Variants in SMIM14 observed in about 807,000 individuals in gnomAD.
SMIM14 encodes chromosome 4 open reading frame 34.
In SMIM14, 5 loss-of-function variants were observed where a neutral mutation model predicts 12.6. The observed-to-expected ratio is 0.40, with a 90% CI of 0.21 to 0.83. The LOEUF is 0.83. Among genes scored for constraint, SMIM14 ranks in the 40% least tolerant of loss-of-function variants. SMIM14 has a pLI of 0.37. For missense variants in SMIM14, 86 were observed against 119.1 expected (o/e 0.72, Z 1.29); for synonymous variants, 30 against 40.1 (o/e 0.75, Z 0.95).
intron 1 of SMIM14, among the ~76,000 whole-genome samples, chr4:39,616,243 C>G (rs925877368): frequency 6.6e-6 from 1 of 152,214 alleles, no homozygotes; most frequent in East Asian, 1.9e-4. Context: ...TCAAGCAATT[C>G]TCCTGCCTCA....
intron 1 of SMIM14, among the ~76,000 whole-genome samples, chr4:39,636,685 TAAAATTAA>T (rs1716102732): frequency 7.3e-6 from 1 of 137,918 alleles, no homozygotes; most frequent in Non-Finnish European, 1.6e-5. Flanking sequence ...TATTAAATTT[TAAAATTAA>T]AAAATTATAA....
chr4:39,582,372 G>A (rs1713553938), intron 2 of SMIM14, among the ~76,000 whole-genome samples: 1 of 152,046 alleles, frequency 6.6e-6, no homozygotes, highest in Non-Finnish European at 1.5e-5. Context: ...TTTTGAATAT[G>A]AAAGGGTCTT....
chr4:39,607,357 A>G (rs10013417), intron 1 of SMIM14, among the ~76,000 whole-genome samples: 21,264 of 152,324 alleles, frequency 0.14, 2,033 homozygotes, highest in South Asian at 0.32. Flanking sequence ...AAGGTGGAAT[A>G]GGCAGATCAA....
chr4:39,631,011 A>G (rs1715876430), intron 1 of SMIM14, among the ~76,000 whole-genome samples: 1 of 152,230 alleles, frequency 6.6e-6, no homozygotes, highest in South Asian at 2.1e-4. Context: ...TCCCAAGAGT[A>G]ACAAAGCAGC....
chr4:39,610,544 A>C (rs2110063801), intron 1 of SMIM14, among the ~76,000 whole-genome samples: 1 of 151,938 alleles, frequency 6.6e-6, no homozygotes, highest in East Asian at 1.9e-4. Context: ...AATTTTTTTT[A>C]ATTAGCTGGG....
chr4:39,554,624 AAAAC>A (rs1338554104), intron 4 of SMIM14, among the ~76,000 whole-genome samples: 1 of 149,472 alleles, frequency 6.7e-6, no homozygotes, highest in Non-Finnish European at 1.5e-5. Flanking sequence ...AAAAACAACA[AAAAC>A]AAGCAAATCT....
intron 1 of SMIM14, among the ~76,000 whole-genome samples, chr4:39,617,068 T>A (rs1715253482): frequency 1.3e-5 from 2 of 152,222 alleles, no homozygotes; most frequent in East Asian, 3.8e-4. Context: ...TCTATACATA[T>A]TACTTTTTGA....
intron 1 of SMIM14, among the ~76,000 whole-genome samples, chr4:39,635,007 T>A (rs937243753): frequency 2.6e-5 from 4 of 152,216 alleles, no homozygotes; most frequent in Admixed American, 6.6e-5. Context: ...AACATTTTTT[T>A]AAAATTCCAT....
intron 3 of SMIM14, among the ~76,000 whole-genome samples, chr4:39,556,941 C>G (rs1712046498): frequency 6.6e-6 from 1 of 152,104 alleles, no homozygotes; most frequent in Non-Finnish European, 1.5e-5. Context: ...GTGTGTGCCA[C>G]CATGCCCCAT....
At chr4:39,632,775 TCACACACACACACACACACACACA>T (rs369057968) in intron 1 of SMIM14, among the ~76,000 whole-genome samples, 9 of 115,016 alleles carry the variant, frequency 7.8e-5, no homozygotes, top group South Asian at 3.4e-4. Flanking sequence ...GAGACTCCCG[TCACACACACACACACACACACACA>T]CACACACACA....
chr4:39,551,504 C>T lies in SMIM14; in HGVS notation c.*622G>A, dbSNP rs1291237347. ...GTATAAAATTAGTAAACAACCATTTCATTTTTTCTCTCTTCCTATTCTAGC... is the reference window on the plus strand; with the variant it reads ...GTATAAAATTAGTAAACAACCATTTTATTTTTTCTCTCTTCCTATTCTAGC... On this transcript the variant is annotated 3_prime_UTR_variant, in exon 5 of 5. Coordinates refer to ENST00000295958, the MANE Select transcript of SMIM14 (RefSeq NM_174921.3). The T allele has an allele frequency of 6.6e-6, 1 of 152,500 alleles. No individual in the cohort carries two copies. The highest frequency in any genetic ancestry group is 1.5e-5 in the Non-Finnish European group (1 of 68,030). 9.4% of individuals were successfully genotyped at this position (152,500 alleles called of 1,614,324 possible). A position where few individuals can be genotyped will look rare whatever the true frequency, so the allele number is the denominator to read the frequency against.
At position 39,558,695 on chromosome 4, in the gene SMIM14, G is replaced by C. The variant is rs745741839; in HGVS notation, c.125-2125C>G. 1.3e-5 allele frequency among the ~76,000 whole-genome samples: 2 copies of C among 152,172 alleles called. No homozygotes were observed. Among genetic ancestry groups the C allele is most frequent in the Non-Finnish European group, 2.9e-5 (2 of 68,038 alleles). ...GAAAAATTACTCAATCAGTTACAAG[G>C]AGGAGAGCAGTTTCTTTTTTTTGTT... On this transcript the variant is annotated intron_variant, in intron 3 of 4. Coordinates refer to ENST00000295958, the MANE Select transcript of SMIM14 (RefSeq NM_174921.3). This position sits in a 1 kb window ranked among gnomAD's most constrained non-coding sequence, Gnocchi z 4.3.
At chr4:39,629,942 A>G (rs1715840893) in intron 1 of SMIM14, among the ~76,000 whole-genome samples, 2 of 152,170 alleles carry the variant, frequency 1.3e-5, no homozygotes, top group South Asian at 4.2e-4. Flanking sequence ...GCAGTTTTTA[A>G]CAGCTGTATT....
rs370268835 is a variant in SMIM14 at position 39,549,292 on chromosome 4, C to CT, written c.*2833dup. 168 of 147,794 alleles carry CT rather than the reference C, an allele frequency of 1.1e-3. No homozygotes were observed. The highest frequency in any genetic ancestry group is 6.1e-3 in the South Asian group (28 of 4,570). The allele number at this position is 147,794 out of a possible 1,614,324, so 9.2% of individuals were successfully genotyped here. A position where few individuals can be genotyped will look rare whatever the true frequency, so the allele number is the denominator to read the frequency against. The stretch of plus-strand genomic sequence containing the variant: ...TTCATCCAATAAAGCCTTCTAAAGC[C>CT]TTTTTTTTTTGAGACAGGGTCTCAC... On this transcript the variant is annotated 3_prime_UTR_variant, in exon 5 of 5. Transcript: ENST00000295958.
rs576530351 is a variant in SMIM14 at position 39,596,618 on chromosome 4, C to T, written c.75+8453G>A. On this transcript the variant is annotated intron_variant, in intron 2 of 4. Transcript: ENST00000295958. ...CAATGGACTAGGCCCCCTTCAAACCCTCCCCACTGTAACCACTGTTTGAGG... is the reference window on the plus strand; with the variant it reads ...CAATGGACTAGGCCCCCTTCAAACCTTCCCCACTGTAACCACTGTTTGAGG... Among the ~76,000 whole-genome samples the T allele has an allele frequency of 4.3e-4, 65 of 152,288 alleles. 1 individual carries two copies. Among genetic ancestry groups the T allele is most frequent in the Admixed American group, 1.1e-3 (17 of 15,288 alleles).
At chr4:39,593,117 C>T (rs1428563868) in intron 2 of SMIM14, 3 of 151,858 alleles carry the variant, frequency 2.0e-5, no homozygotes, top group African/African-American at 4.8e-5. Flanking sequence ...GAATTTTAGA[C>T]CAATATCCTT....
chr4:39,601,298 A>G (rs1028899049), intron 2 of SMIM14, among the ~76,000 whole-genome samples: 1 of 152,182 alleles, frequency 6.6e-6, no homozygotes, highest in African/African-American at 2.4e-5. Flanking sequence ...ATTCTTAAAA[A>G]TTGATGATAT....
chr4:39,556,776 CTTAGTAAGTTT>C (rs1448489222), intron 3 of SMIM14, among the ~76,000 whole-genome samples: 1 of 152,054 alleles, frequency 6.6e-6, no homozygotes, highest in Non-Finnish European at 1.5e-5. Context: ...TAAACCAAAA[CTTAGTAAGTTT>C]TTGTTGTTTT....
intron 1 of SMIM14, among the ~76,000 whole-genome samples, chr4:39,627,780 T>C (rs1049812332): frequency 6.6e-6 from 1 of 152,206 alleles, no homozygotes; most frequent in Non-Finnish European, 1.5e-5. Flanking sequence ...TGTCCTTTCC[T>C]GGCCGCAGTT....
Sources: gnomAD v4.1 joint callset for allele counts (sites outside exome capture counted in the v4.1 genomes callset) on GRCh38, gnomAD v4.1.1 for gene constraint, Gnocchi (gnomAD v3.1) non-coding constraint, MANE v1.5 for transcripts, NCBI Gene and HGNC (gene_info 2026-07-23, HGNC 2026-07-21) for gene names.